The following TEX26 variants were observed in gnomAD, a reference collection of about 807,000 sequenced individuals.
TEX26 encodes the protein testis-expressed protein 26.
Under a neutral mutation model 35.3 loss-of-function variants are expected in TEX26, and 34 were observed. The ratio of observed to expected loss-of-function variants is 0.96; its 90% confidence interval spans 0.73 to 1.28. The LOEUF (loss-of-function observed/expected upper bound fraction) is 1.28, where lower values mean the gene tolerates loss of function less well. Ranked by LOEUF, TEX26 falls within the 50% of genes most tolerant of loss-of-function variation. TEX26 has a pLI of 0.00. For synonymous variants in TEX26, 136 were observed against 111.8 expected, an observed-to-expected ratio of 1.22 and a Z score of -1.36; for missense variants, 371 against 330.1, an observed-to-expected ratio of 1.12 and a Z score of -0.96.
At chr13:30,936,822 G>T (rs1317505311) in intron 1 of TEX26, 21 of 985,278 alleles carry the variant, frequency 2.1e-5, no homozygotes, top group African/African-American at 3.5e-5. Context: ...AGGACATTGA[G>T]ATACTGAGAA....
At chr13:30,969,558 T>G (rs1954648439) in intron 6 of TEX26, among the ~76,000 whole-genome samples, 1 of 152,212 alleles carries the variant, frequency 6.6e-6, no homozygotes, top group Non-Finnish European at 1.5e-5. Context: ...TGCAGCCAAG[T>G]GACTGGAATT....
Position 30,956,977 on chromosome 13 carries a change from A to G in TEX26, c.417A>G (p.Leu139=). 1 of 1,614,212 alleles carries G rather than the reference A, an allele frequency of 6.2e-7. No individual in the cohort carries two copies. Among genetic ancestry groups the G allele is most frequent in the South Asian group, 1.1e-5 (1 of 91,076 alleles). The change falls in exon 4 of 7, where the codon CTA becomes CTG. Residue 139 remains leucine, a synonymous_variant. Coordinates refer to ENST00000380473, the MANE Select transcript of TEX26 (RefSeq NM_152325.3). Reference sequence around the variant, plus strand: ...CAATGAAAGAAGTTAACAAGGCACTATCAAATCAGTTTATTTCCCTTACTA... The same window carrying G: ...CAATGAAAGAAGTTAACAAGGCACTGTCAAATCAGTTTATTTCCCTTACTA... ...PASMKEVNKA[L]SNQFISLTKR...
chr13:30,952,823 GAAGT>G lies in TEX26; in HGVS notation c.312+2_312+5del. The G allele has an allele frequency of 6.2e-7, 1 of 1,611,868 alleles. No individual in the cohort carries two copies. Among genetic ancestry groups the G allele is most frequent in the Non-Finnish European group, 8.5e-7 (1 of 1,178,958 alleles). Reference sequence around the variant, plus strand: ...CAAGAGCCACAAATCTCATCTCAATGAAGTAAGATAATATCTACATATGTGTTGA... The same window carrying G: ...CAAGAGCCACAAATCTCATCTCAATGAAGATAATATCTACATATGTGTTGA... On this transcript the variant is annotated splice_donor_variant and coding_sequence_variant, in exon 3 of 7. Transcript: ENST00000380473. LOFTEE classifies it high-confidence loss of function.
rs114662130 is a variant in TEX26, at chr13:30,949,192, C to T, written c.147-3468C>T. Among the ~76,000 whole-genome samples, 632 of 152,018 alleles carry T rather than the reference C, an allele frequency of 4.2e-3. 6 individuals are homozygous for T. The highest frequency in any genetic ancestry group is 0.015 in the African/African-American group (614 of 41,506). ...GGTGGTGTGATGCCTCAAGCTTTGA[C>T]TTTCTTCACAGAATTGGAAAAAACT... On this transcript the variant is annotated intron_variant, in intron 2 of 6. Transcript: ENST00000380473.
intron 2 of TEX26, among the ~76,000 whole-genome samples, chr13:30,946,260 C>A (rs76378137): frequency 7.9e-5 from 12 of 151,926 alleles, no homozygotes; most frequent in African/African-American, 2.9e-4. Context: ...CACTGCATTT[C>A]GTCATTCCCT....
chr13:30,968,750 C>T, intron 5 of TEX26, 135 bp from the exon 6 acceptor site: 1 of 765,062 alleles, frequency 1.3e-6, no homozygotes, highest in Admixed American at 2.4e-5. Context: ...GCCTTAATGT[C>T]CAGCATCATG....
intron 2 of TEX26, among the ~76,000 whole-genome samples, chr13:30,949,152 T>C (rs1055325212): frequency 1.3e-5 from 2 of 152,184 alleles, no homozygotes; most frequent in African/African-American, 2.4e-5. Context: ...AGCCTTGTAG[T>C]ATGGTTTGAA....
intron 5 of TEX26, among the ~76,000 whole-genome samples, chr13:30,968,402 A>G (rs931254365): frequency 1.3e-5 from 2 of 152,158 alleles, no homozygotes; most frequent in African/African-American, 4.8e-5. Flanking sequence ...AGGCCTTGGA[A>G]AGCCAGGCTT....
At chr13:30,974,146 A>ATG (rs1954808850) in intron 6 of TEX26, among the ~76,000 whole-genome samples, 1 of 141,732 alleles carries the variant, frequency 7.1e-6, no homozygotes, top group South Asian at 2.2e-4. Context: ...ATATATATAT[A>ATG]TATATATATA....
In TEX26 at chr13:30,972,966, G is replaced by C. The variant is rs76028745; in HGVS notation, c.809-1880G>C. On this transcript the variant is annotated intron_variant, in intron 6 of 6. Transcript: ENST00000380473. The stretch of plus-strand genomic sequence containing the variant: ...AAGAGTACAATCACTTTGGAAACAG[G>C]TCTGGCAGCTTCTGCTAAAGATAAA... Among the ~76,000 whole-genome samples, 58 of 152,328 alleles carry C rather than the reference G, an allele frequency of 3.8e-4. No individual in the cohort carries two copies. The East Asian group carries it at 0.01, about 27-fold the overall frequency.
Position 30,952,573 on chromosome 13 carries a change from G to A in TEX26, c.147-87G>A, listed in dbSNP as rs951734802. ...ATGCCAATCAATCTTTTTAAAAAAT[G>A]TAATGAGTAAAATGATTTGACATGT... On this transcript the variant is annotated intron_variant, in intron 2 of 6. Coordinates refer to ENST00000380473, the MANE Select transcript of TEX26 (RefSeq NM_152325.3). 8.9e-6 allele frequency: 10 copies of A among 1,119,124 alleles called. No homozygotes were observed. The African/African-American group carries it at 1.6e-4, about 18-fold the overall frequency. 69.3% of individuals were successfully genotyped at this position (1,119,124 alleles called of 1,614,324 possible).
At chr13:30,932,969 G>A (rs1953129409) in intron 1 of TEX26, 193 bp downstream of exon 1, 1 of 551,870 alleles carries the variant, frequency 1.8e-6, no homozygotes, top group Non-Finnish European at 3.1e-6. Flanking sequence ...TCAGTCCTTC[G>A]CATAACCTTT....
At chr13:30,944,929 T>G (rs1390011993) in intron 2 of TEX26, among the ~76,000 whole-genome samples, 2 of 152,076 alleles carry the variant, frequency 1.3e-5, no homozygotes, top group Non-Finnish European at 2.9e-5. Context: ...AATTCTTGGG[T>G]AGAACTTTTT....
intron 1 of TEX26, among the ~76,000 whole-genome samples, chr13:30,939,222 A>C (rs1395102014): frequency 6.6e-6 from 1 of 152,230 alleles, no homozygotes; most frequent in Non-Finnish European, 1.5e-5. Context: ...AGGGATAGGA[A>C]GGAGAGTGGC....
intron 4 of TEX26, 55 bp from the exon 5 acceptor site, chr13:30,966,167 T>G: frequency 6.2e-7 from 1 of 1,601,268 alleles, no homozygotes; most frequent in Non-Finnish European, 8.5e-7. Context: ...AGAGTGGGTT[T>G]AGCTACTTTG....
rs1226235053 is a variant in TEX26, at chr13:30,966,262, GA to G, written c.515del (p.Lys172SerfsTer44). ...AAAGTTCTCACTTGTCTCTGGAATG[GA>G]AAAAGTTACTTCCCCAACCTCCAGA... ...KKSSHLSLEWKKLLPQPPDTE... is the reference protein window; with the variant it reads ...KKSSHLSLEWXKLLPQPPDTE... On this transcript the variant is annotated frameshift_variant, in exon 5 of 7. Coordinates refer to ENST00000380473, the MANE Select transcript of TEX26 (RefSeq NM_152325.3). LOFTEE classifies it high-confidence loss of function. 1 of 1,613,864 alleles carries G rather than the reference GA, an allele frequency of 6.2e-7. No individual in the cohort carries two copies. Among genetic ancestry groups the G allele is most frequent in the Non-Finnish European group, 8.5e-7 (1 of 1,180,014 alleles).
intron 5 of TEX26, among the ~76,000 whole-genome samples, chr13:30,968,484 T>C (rs1486412120): frequency 6.6e-6 from 1 of 152,232 alleles, no homozygotes; most frequent in East Asian, 1.9e-4. Flanking sequence ...TACTTCTGTC[T>C]GCAGGCCTTC....
At chr13:30,940,026 G>A (rs1270097181) in intron 2 of TEX26, among the ~76,000 whole-genome samples, 1 of 152,000 alleles carries the variant, frequency 6.6e-6, no homozygotes, top group Non-Finnish European at 1.5e-5. Flanking sequence ...CCTGTATATT[G>A]TGGTTTACAG....
At chr13:30,942,871 A>G (rs1953564459) in intron 2 of TEX26, among the ~76,000 whole-genome samples, 1 of 151,836 alleles carries the variant, frequency 6.6e-6, no homozygotes, top group Non-Finnish European at 1.5e-5. Context: ...AACCAGTACC[A>G]TGCTCTTTTG....
Sources: allele counts gnomAD v4.1 joint callset (sites outside exome capture counted in the v4.1 genomes callset), GRCh38; gene constraint gnomAD v4.1.1; transcripts MANE v1.5; gene names NCBI Gene and HGNC (gene_info 2026-07-23, HGNC 2026-07-21).